VPS53: variants seen among roughly 807,000 people sequenced by gnomAD.
VPS53 encodes the protein VPS53 subunit of GARP complex, also known as vacuolar protein sorting-associated protein 53 homolog.
In VPS53, 70 loss-of-function variants were observed where a neutral mutation model predicts 107.0. The ratio of observed to expected loss-of-function variants is 0.65; its 90% CI spans 0.54 to 0.80. VPS53 has a LOEUF of 0.80. Among genes scored for constraint, VPS53 ranks in the 30% least tolerant of loss-of-function variants. VPS53 has a pLI of 0.00. For missense variants in VPS53, 917 were observed against 1,049.4 expected (o/e 0.87, Z 1.74); for synonymous variants, 409 against 393.3 (o/e 1.04, Z -0.47).
In VPS53 at chr17:683,816, T is replaced by C. The variant is rs780895245; in HGVS notation, c.285+13602A>G. On this transcript the variant is annotated intron_variant, in intron 4 of 21. Transcript: ENST00000437048. Reference sequence around the variant, plus strand: ...GAGTTTGAGGCCAGCTCAGGCAACATAGCAAGACCCCATCTCTAAAAATAT... The same window carrying C: ...GAGTTTGAGGCCAGCTCAGGCAACACAGCAAGACCCCATCTCTAAAAATAT... Among the ~76,000 whole-genome samples, 3 of 152,328 alleles carry C rather than the reference T, an allele frequency of 2.0e-5. No individual in the cohort carries two copies. The South Asian group carries it at 6.2e-4, about 32-fold the overall frequency.
chr17:619,619 C>T (rs12945563), intron 11 of VPS53, among the ~76,000 whole-genome samples: 174 of 57,458 alleles, frequency 3.0e-3, no homozygotes, highest in Admixed American at 6.6e-3. Flanking sequence ...TACAGGCGTG[C>T]ACCACCACAC....
intron 13 of VPS53, among the ~76,000 whole-genome samples, chr17:565,452 T>C (rs1439404296): frequency 6.6e-6 from 1 of 151,274 alleles, no homozygotes; most frequent in Non-Finnish European, 1.5e-5. Context: ...GAAAGTCTAT[T>C]ATATCCAGAT....
At chr17:619,372 C>T (rs1156415336) in intron 11 of VPS53, among the ~76,000 whole-genome samples, 2 of 146,272 alleles carry the variant, frequency 1.4e-5, no homozygotes, top group Non-Finnish European at 3.0e-5. Context: ...CAGGCGCGCA[C>T]CACCATGCCC....
rs549180857 is a variant in VPS53 at position 605,111 on chromosome 17, G to A, written c.1117-3215C>T. Among the ~76,000 whole-genome samples, 12 of 152,292 alleles carry A rather than the reference G, an allele frequency of 7.9e-5. No homozygotes were observed. The South Asian group carries it at 2.5e-3, about 32-fold the overall frequency. On this transcript the variant is annotated intron_variant, in intron 11 of 21. Transcript: ENST00000437048. Reference sequence around the variant, plus strand: ...GATGCCTCAGAGTGAAATATATGAGGGGTGGAGGGCGGAGGGAACAGCACG... The same window carrying A: ...GATGCCTCAGAGTGAAATATATGAGAGGTGGAGGGCGGAGGGAACAGCACG...
At chr17:674,898 G>A (rs747334294) in intron 4 of VPS53, 2 of 152,246 alleles carry the variant, frequency 1.3e-5, no homozygotes, top group Admixed American at 6.5e-5. Context: ...AAAATGGGGA[G>A]AACAGCATCT....
intron 12 of VPS53, among the ~76,000 whole-genome samples, chr17:599,431 C>T (rs1218982244): frequency 2.0e-5 from 3 of 151,722 alleles, no homozygotes; most frequent in Non-Finnish European, 4.4e-5. Context: ...GCCTTGGGAT[C>T]CTGTTGATCT....
intron 7 of VPS53, among the ~76,000 whole-genome samples, chr17:638,775 C>A (rs968460032): frequency 1.3e-5 from 2 of 152,168 alleles, no homozygotes; most frequent in African/African-American, 4.8e-5. Flanking sequence ...GAGTTTCTGC[C>A]GAAAGATCCG....
chr17:672,661 C>A (rs1430873540), intron 4 of VPS53, among the ~76,000 whole-genome samples: 1 of 152,154 alleles, frequency 6.6e-6, no homozygotes, highest in East Asian at 1.9e-4. Context: ...AAATTGAAGT[C>A]TTTTGTTCAT....
Position 710,633 on chromosome 17 carries a change from T to A in VPS53, c.88-20A>T. 6.4e-7 allele frequency: 1 copy of A among 1,557,774 alleles called. No individual in the cohort carries two copies. Among genetic ancestry groups the A allele is most frequent in the Non-Finnish European group, 8.8e-7 (1 of 1,132,180 alleles). ...AAACACCTATATAGAAAGAGAGGAG[T>A]ATATATAAAAACATGTAGTATACCG... On this transcript the variant is annotated intron_variant, in intron 1 of 21. Transcript: ENST00000437048.
intron 17 of VPS53, among the ~76,000 whole-genome samples, chr17:542,298 T>C (rs960436358): frequency 2.0e-5 from 3 of 152,242 alleles, no homozygotes; most frequent in Admixed American, 6.5e-5. Context: ...GAAGCGTAAC[T>C]GCTAAGTTAG....
intron 17 of VPS53, chr17:537,779 C>T (rs1361560148): frequency 6.6e-6 from 1 of 152,296 alleles, no homozygotes; most frequent in African/African-American, 2.4e-5. Context: ...TACATAGAGG[C>T]TGACCACACT....
chr17:619,416 C>T (rs1349907810), intron 11 of VPS53, among the ~76,000 whole-genome samples: 5 of 141,598 alleles, frequency 3.5e-5, no homozygotes, highest in African/African-American at 5.3e-5. Flanking sequence ...GGACTACAGG[C>T]GTGCACCACC....
chr17:640,653 C>T (rs1198308738), intron 7 of VPS53, among the ~76,000 whole-genome samples: 1 of 151,780 alleles, frequency 6.6e-6, no homozygotes, highest in Non-Finnish European at 1.5e-5. Flanking sequence ...CTGTGGGTCA[C>T]AACTTTGAAT....
intron 4 of VPS53, among the ~76,000 whole-genome samples, chr17:667,902 T>C (rs993802585): frequency 3.9e-5 from 6 of 152,108 alleles, no homozygotes; most frequent in African/African-American, 1.4e-4. Flanking sequence ...TACTGTGAAC[T>C]GCACACGCGA....
intron 2 of VPS53, among the ~76,000 whole-genome samples, chr17:706,845 T>A (rs944227972): frequency 1.4e-4 from 21 of 152,146 alleles, no homozygotes; most frequent in African/African-American, 5.1e-4. Context: ...TCCCACAGCT[T>A]TTCTCCAGGT....
intron 5 of VPS53, chr17:657,379 T>C (rs1971236791): frequency 1.3e-6 from 1 of 790,522 alleles, no homozygotes; most frequent in Non-Finnish European, 2.3e-6. Context: ...AACCGCTGCA[T>C]GCAAATCTTC....
chr17:601,672 G>T, intron 12 of VPS53, 123 bp downstream of exon 12: 2 of 689,004 alleles, frequency 2.9e-6, no homozygotes, highest in Non-Finnish European at 4.8e-6. Context: ...CTTCTGTAAA[G>T]ACCACAACAG....
rs942051492 is a variant in VPS53, at chr17:519,691, A to G, written c.2328+135T>C. The G allele has an allele frequency of 1.4e-6, 1 of 710,370 alleles. No individual in the cohort carries two copies. Among genetic ancestry groups the G allele is most frequent in the Non-Finnish European group, 2.4e-6 (1 of 416,622 alleles). 44.0% of individuals were successfully genotyped at this position (710,370 alleles called of 1,614,324 possible). A position where few individuals can be genotyped will look rare whatever the true frequency, so the allele number is the denominator to read the frequency against. ...CCATCCTCCTCCAGAGGCTTCTCTGAATCCGGTTTGCTCTGTGGAGCCAGG... is the reference window on the plus strand; with the variant it reads ...CCATCCTCCTCCAGAGGCTTCTCTGGATCCGGTTTGCTCTGTGGAGCCAGG... On this transcript the variant is annotated intron_variant, in intron 21 of 21. Coordinates refer to ENST00000437048, the MANE Select transcript of VPS53 (RefSeq NM_001128159.3). The surrounding 1 kb of genome is among the most constrained non-coding windows in gnomAD (Gnocchi z 5.0).
Position 512,796 on chromosome 17 carries a change from A to C in VPS53, c.*6332T>G, listed in dbSNP as rs1908032306. ...ATGGACTCATGCGTGCAGGAGAGAA[A>C]TCACTAAAGGACACAAGACTTCCCA... On this transcript the variant is annotated 3_prime_UTR_variant, in exon 22 of 22. Transcript: ENST00000437048. 1 of 152,162 alleles carries C rather than the reference A, an allele frequency of 6.6e-6. No homozygotes were observed. The highest frequency in any genetic ancestry group is 2.1e-4 in the South Asian group (1 of 4,820). 9.4% of individuals were successfully genotyped at this position (152,162 alleles called of 1,614,324 possible). A position where few individuals can be genotyped will look rare whatever the true frequency, so the allele number is the denominator to read the frequency against.
Sources: allele counts gnomAD v4.1 joint callset (sites outside exome capture counted in the v4.1 genomes callset), GRCh38; gene constraint gnomAD v4.1.1; non-coding constraint Gnocchi (gnomAD v3.1); transcripts MANE v1.5; gene names NCBI Gene and HGNC (gene_info 2026-07-23, HGNC 2026-07-21).